CMIP: variants seen among roughly 807,000 people sequenced by gnomAD.
The protein encoded by CMIP is c-Maf inducing protein.
In CMIP, 13 loss-of-function variants were observed where a neutral mutation model predicts 97.3. The observed-to-expected ratio is 0.13, with a 90% CI of 0.09 to 0.21. CMIP has a LOEUF of 0.21. CMIP is among the 10% of genes least tolerant of loss of function. CMIP has a pLI of 1.00. For missense variants in CMIP, 847 were observed against 1,024.9 expected (o/e 0.83, Z 2.37); for synonymous variants, 538 against 436.3 (o/e 1.23, Z -2.91).
intron 17 of CMIP, among the ~76,000 whole-genome samples, chr16:81,703,494 A>AAC (rs148995084): frequency 2.1e-4 from 32 of 151,498 alleles, no homozygotes; most frequent in Admixed American, 5.3e-4. Context: ...GAGACACACC[A>AAC]ACACACACAC....
intron 1 of CMIP, among the ~76,000 whole-genome samples, chr16:81,586,902 AAGT>A (rs938530826): frequency 1.3e-5 from 2 of 152,202 alleles, no homozygotes; most frequent in African/African-American, 4.8e-5. Context: ...GGAGAGAAGA[AAGT>A]AGAGAACTCA....
chr16:81,613,903 A>G (rs928629182), intron 2 of CMIP, among the ~76,000 whole-genome samples: 1 of 152,056 alleles, frequency 6.6e-6, no homozygotes, highest in African/African-American at 2.4e-5. Context: ...ACTTCAACCA[A>G]TCTTTCACTT....
At chr16:81,526,386 C>G (rs77576640) in intron 1 of CMIP, among the ~76,000 whole-genome samples, 8,117 of 152,242 alleles carry the variant, frequency 0.053, 251 homozygotes, top group Middle Eastern at 0.085. Context: ...GTTAGCAGTG[C>G]CTGTGACTTA....
intron 12 of CMIP, 80 bp from the exon 13 acceptor site, chr16:81,693,359 G>T: frequency 6.4e-7 from 1 of 1,556,860 alleles, no homozygotes. Flanking sequence ...GTTCTTCCTT[G>T]ACACCATCCC....
chr16:81,484,219 C>A (rs1198604156), intron 1 of CMIP, among the ~76,000 whole-genome samples: 1 of 152,176 alleles, frequency 6.6e-6, no homozygotes, highest in Non-Finnish European at 1.5e-5. Context: ...TCGCCCGTTC[C>A]CATTCCTTCT....
intron 7 of CMIP, chr16:81,664,768 C>T: frequency 5.6e-6 from 2 of 355,126 alleles, no homozygotes; most frequent in South Asian, 2.7e-4. Context: ...AGAAACCAGA[C>T]ACACTCAGCC....
intron 1 of CMIP, among the ~76,000 whole-genome samples, chr16:81,574,467 G>A (rs776703467): frequency 2.5e-4 from 38 of 152,380 alleles, no homozygotes; most frequent in South Asian, 6.2e-4. Context: ...GGGTACAGCC[G>A]TGCCCCAGGT....
intron 1 of CMIP, among the ~76,000 whole-genome samples, chr16:81,575,790 C>T (rs2091178690): frequency 1.3e-5 from 2 of 152,246 alleles, no homozygotes; most frequent in South Asian, 2.1e-4. Context: ...CCACGTGAGT[C>T]TGATGATGTG....
chr16:81,650,709 G>C (rs1317867328), intron 3 of CMIP, among the ~76,000 whole-genome samples: 1 of 152,186 alleles, frequency 6.6e-6, no homozygotes, highest in Non-Finnish European at 1.5e-5. Context: ...GATTTATCTG[G>C]ACTTGACTTT....
chr16:81,474,783 G>A (rs1907788782), intron 1 of CMIP, among the ~76,000 whole-genome samples: 1 of 152,202 alleles, frequency 6.6e-6, no homozygotes, highest in Non-Finnish European at 1.5e-5. Flanking sequence ...CTGCCTCCTT[G>A]GTGCCAGGGG....
At chr16:81,524,410 G>C (rs2090088043) in intron 1 of CMIP, among the ~76,000 whole-genome samples, 1 of 152,230 alleles carries the variant, frequency 6.6e-6, no homozygotes, top group Admixed American at 6.5e-5. Context: ...GTCTGGCTCT[G>C]CTATGTCCTA....
chr16:81,610,679 G>C (rs2091816786), intron 2 of CMIP: 1 of 301,600 alleles, frequency 3.3e-6, no homozygotes, highest in Non-Finnish European at 4.9e-6. Flanking sequence ...TGATGCATGG[G>C]TGGTATGTAG....
intron 10 of CMIP, among the ~76,000 whole-genome samples, chr16:81,679,004 T>G (rs1904588847): frequency 6.6e-6 from 1 of 152,040 alleles, no homozygotes; most frequent in South Asian, 2.1e-4. Context: ...CTACATGAGT[T>G]TGTGTGTGTG....
chr16:81,696,597 A>G lies in CMIP; in HGVS notation c.1568A>G (p.Asp523Gly). The change falls in exon 14 of 21, where the codon GAT becomes GGT. Residue 523 changes from aspartate to glycine, a missense_variant. Physicochemically the swap from Asp to Gly is moderately conservative, Grantham distance 94. This residue lies in a region of CMIP where 266 missense variants were observed against 384.2 expected (regional missense o/e 0.69). Coordinates refer to ENST00000537098, the MANE Select transcript of CMIP (RefSeq NM_198390.3). ...CTGCTGAGCGTGCGGGCCGGCAAAG[A>G]TGGCTGGTTCCAGCTCTACAGCCCC... ...SCLLSVRAGKDGWFQLYSPGG... is the reference protein window; with the variant it reads ...SCLLSVRAGKGGWFQLYSPGG... 1.2e-6 allele frequency: 2 copies of G among 1,606,828 alleles called. No individual in the cohort carries two copies. Among genetic ancestry groups the G allele is most frequent in the Non-Finnish European group, 1.7e-6 (2 of 1,179,814 alleles).
At position 81,678,594 on chromosome 16, in the gene CMIP, A is replaced by G; in HGVS notation, c.1354A>G (p.Thr452Ala). 1 of 1,596,894 alleles carries G rather than the reference A, an allele frequency of 6.3e-7. No homozygotes were observed. Among genetic ancestry groups the G allele is most frequent in the Non-Finnish European group, 8.5e-7 (1 of 1,169,796 alleles). Reference protein sequence around the residue: ...SIELGPQADRTLGCYVEILKL... With the variant: ...SIELGPQADRALGCYVEILKL... Reference sequence around the variant, plus strand: ...CGAGCTGGGCCCCCAGGCCGACCGCACGCTCGGCTGCTACGTGGAAATCCT... The same window carrying G: ...CGAGCTGGGCCCCCAGGCCGACCGCGCGCTCGGCTGCTACGTGGAAATCCT... Residue 452 changes from threonine to alanine, a missense_variant, in exon 10 of 21, where the codon ACG becomes GCG. Coordinates refer to ENST00000537098, the MANE Select transcript of CMIP (RefSeq NM_198390.3).
intron 1 of CMIP, among the ~76,000 whole-genome samples, chr16:81,481,986 C>T (rs991560167): frequency 6.6e-6 from 1 of 151,318 alleles, no homozygotes; most frequent in African/African-American, 2.4e-5. Context: ...TCAGGTGATT[C>T]TTGTGCCTCA....
chr16:81,645,912 T>C (rs2092359276), intron 3 of CMIP: 2 of 453,758 alleles, frequency 4.4e-6, no homozygotes, highest in Non-Finnish European at 8.1e-6. Context: ...ACAAGGAAAC[T>C]GGTGCAAGTA....
chr16:81,678,412 G>A lies in CMIP; in HGVS notation c.1172G>A (p.Arg391Gln), dbSNP rs750882450. Residue 391 changes from arginine to glutamine, a missense_variant, in exon 10 of 21, where the codon CGG (arginine) becomes CAG (glutamine). Around this residue, in one of 4 missense-constraint regions of CMIP, gnomAD observed 202 missense variants for 168.7 expected, o/e 1.20. Transcript: ENST00000537098. ...VSQEATLSEA[R>Q]LKSVVVASSE... ...CAGGAAGCCACGCTGTCTGAGGCCCGGCTCAAGTCGGTGGTCGTGGCCTCC... is the reference window on the plus strand; with the variant it reads ...CAGGAAGCCACGCTGTCTGAGGCCCAGCTCAAGTCGGTGGTCGTGGCCTCC... The A allele has an allele frequency of 8.8e-6, 14 of 1,599,538 alleles. No homozygotes were observed. Among genetic ancestry groups the A allele is most frequent in the African/African-American group, 4.0e-5 (3 of 74,390 alleles).
intron 3 of CMIP, among the ~76,000 whole-genome samples, chr16:81,644,361 G>A (rs759911479): frequency 6.6e-6 from 1 of 152,182 alleles, no homozygotes; most frequent in Non-Finnish European, 1.5e-5. Context: ...GCAGGCATGG[G>A]GAATAAGGCC....
Sources: allele counts gnomAD v4.1 joint callset (sites outside exome capture counted in the v4.1 genomes callset), GRCh38; gene constraint gnomAD v4.1.1; regional missense constraint gnomAD v4.1.1; transcripts MANE v1.5; gene names NCBI Gene and HGNC (gene_info 2026-07-23, HGNC 2026-07-21).